The following GALNTL6 variants were observed in gnomAD, a reference collection of about 807,000 sequenced individuals.
GALNTL6 encodes polypeptide N-acetylgalactosaminyltransferase like 6.
A neutral mutation model predicts 73.7 loss-of-function variants in GALNTL6; 46 were observed. The ratio of observed to expected loss-of-function variants is 0.62; its 90% CI spans 0.49 to 0.80. The LOEUF is 0.80. GALNTL6 is among the 30% of genes least tolerant of loss of function. GALNTL6 has a pLI of 0.00. For missense variants in GALNTL6, 604 were observed against 755.0 expected (o/e 0.80, Z 2.34); for synonymous variants, 259 against 263.7 (o/e 0.98, Z 0.17).
chr4:172,622,413 TG>T (rs1738998053), intron 5 of GALNTL6, among the ~76,000 whole-genome samples: 1 of 152,078 alleles, frequency 6.6e-6, no homozygotes, highest in African/African-American at 2.4e-5. Context: ...AGAAAAACAA[TG>T]GATCACATTA....
At chr4:172,341,955 G>A (rs1741582450) in intron 4 of GALNTL6, among the ~76,000 whole-genome samples, 1 of 152,012 alleles carries the variant, frequency 6.6e-6, no homozygotes, top group African/African-American at 2.4e-5. Flanking sequence ...CATAATATTT[G>A]ATAGAAATAG....
chr4:173,035,228 G>T (rs1753641816), intron 12 of GALNTL6, among the ~76,000 whole-genome samples: 1 of 149,990 alleles, frequency 6.7e-6, no homozygotes, highest in Admixed American at 6.7e-5. Flanking sequence ...GCCTGGGCTG[G>T]AGTGCAATGG....
intron 5 of GALNTL6, among the ~76,000 whole-genome samples, chr4:172,355,920 T>C (rs1742138883): frequency 6.6e-6 from 1 of 152,180 alleles, no homozygotes; most frequent in South Asian, 2.1e-4. Flanking sequence ...CCAAGCATCT[T>C]AAAATCTACC....
At chr4:172,446,853 A>C (rs893728373) in intron 5 of GALNTL6, among the ~76,000 whole-genome samples, 1 of 152,138 alleles carries the variant, frequency 6.6e-6, no homozygotes, top group Non-Finnish European at 1.5e-5. Flanking sequence ...TTGTTTTGCA[A>C]CTGTGGATGA....
chr4:171,884,845 C>T (rs1411447192), intron 2 of GALNTL6, among the ~76,000 whole-genome samples: 1 of 151,956 alleles, frequency 6.6e-6, no homozygotes, highest in Admixed American at 6.6e-5. Context: ...CATCTGAGGT[C>T]AGGAGTTCAA....
At chr4:172,925,698 A>C (rs1326368233) in intron 8 of GALNTL6, among the ~76,000 whole-genome samples, 2 of 152,184 alleles carry the variant, frequency 1.3e-5, no homozygotes, top group Non-Finnish European at 1.5e-5. Context: ...TAACCTAAGT[A>C]AACTTGAAAG....
chr4:171,972,849 A>G (rs1739610859), intron 2 of GALNTL6, among the ~76,000 whole-genome samples: 1 of 152,170 alleles, frequency 6.6e-6, no homozygotes, highest in Non-Finnish European at 1.5e-5. Flanking sequence ...CTGTTTTGGC[A>G]AAGTAATGTT....
chr4:172,386,554 A>G (rs997350106), intron 5 of GALNTL6, among the ~76,000 whole-genome samples: 1 of 152,274 alleles, frequency 6.6e-6, no homozygotes, highest in African/African-American at 2.4e-5. Context: ...CTCTCACTCA[A>G]TTATGTAGAT....
chr4:172,929,007 G>A (rs1748196690), intron 8 of GALNTL6, among the ~76,000 whole-genome samples: 1 of 152,134 alleles, frequency 6.6e-6, no homozygotes, highest in Non-Finnish European at 1.5e-5. Context: ...TCCTGGGACA[G>A]GTGTTTATTG....
intron 2 of GALNTL6, among the ~76,000 whole-genome samples, chr4:171,867,538 G>A (rs1057200720): frequency 1.3e-5 from 2 of 152,032 alleles, no homozygotes; most frequent in Non-Finnish European, 2.9e-5. Flanking sequence ...TTCCATCCCC[G>A]ACACCTCAAT....
intron 9 of GALNTL6, among the ~76,000 whole-genome samples, chr4:172,944,310 G>T (rs1381288098): frequency 6.6e-6 from 1 of 152,090 alleles, no homozygotes; most frequent in Non-Finnish European, 1.5e-5. Flanking sequence ...ATGGGTAAAT[G>T]ATTTGAAAGA....
At chr4:172,727,752 A>G (rs953662937) in intron 5 of GALNTL6, among the ~76,000 whole-genome samples, 8 of 152,094 alleles carry the variant, frequency 5.3e-5, no homozygotes, top group Admixed American at 3.3e-4. Context: ...AATAATTTAA[A>G]TGTCAAACAA....
At chr4:171,918,179 C>T (rs6851131) in intron 2 of GALNTL6, among the ~76,000 whole-genome samples, 4,218 of 151,842 alleles carry the variant, frequency 0.028, 174 homozygotes, top group African/African-American at 0.092. Context: ...AACTTACGGG[C>T]GTTAAGTTGG....
At chr4:171,863,505 C>T (rs1206154227) in intron 2 of GALNTL6, among the ~76,000 whole-genome samples, 1 of 151,914 alleles carries the variant, frequency 6.6e-6, no homozygotes, top group Non-Finnish European at 1.5e-5. Context: ...TAGTTTTTTG[C>T]CTTCAGACTT....
chr4:172,456,093 C>T (rs1018270254), intron 5 of GALNTL6, among the ~76,000 whole-genome samples: 2 of 152,156 alleles, frequency 1.3e-5, no homozygotes, highest in African/African-American at 4.8e-5. Flanking sequence ...CTCCAGCAGA[C>T]TTGCAGCAGA....
intron 2 of GALNTL6, among the ~76,000 whole-genome samples, chr4:172,186,728 A>G (rs1447046625): frequency 6.6e-6 from 1 of 152,126 alleles, no homozygotes; most frequent in African/African-American, 2.4e-5. Context: ...AACAATAGGT[A>G]GATCCACAGA....
chr4:172,559,763 C>T (rs1397514187), intron 5 of GALNTL6, among the ~76,000 whole-genome samples: 1 of 152,014 alleles, frequency 6.6e-6, no homozygotes, highest in Non-Finnish European at 1.5e-5. Context: ...GTAATTATTC[C>T]AAGTGACTGA....
At chr4:172,256,199 CT>C (rs1467486379) in intron 3 of GALNTL6, among the ~76,000 whole-genome samples, 5 of 151,306 alleles carry the variant, frequency 3.3e-5, no homozygotes, top group African/African-American at 9.7e-5. Flanking sequence ...ATTTTTTCTT[CT>C]TCTGTTTCGC....
In GALNTL6 at chr4:172,313,266, C is replaced by T. The variant is rs1220821482; in HGVS notation, c.386+1514C>T. The stretch of plus-strand genomic sequence containing the variant: ...TCAGCCTCCCGAGTAGCTGGGACTA[C>T]AGGCGCCTGCCACCATGCCGGCTAA... On this transcript the variant is annotated intron_variant, in intron 4 of 12. Coordinates refer to ENST00000506823, the MANE Select transcript of GALNTL6 (RefSeq NM_001034845.3). 2.6e-5 allele frequency among the ~76,000 whole-genome samples: 4 copies of T among 151,862 alleles called. No homozygotes were observed. The East Asian group carries it at 7.7e-4, about 29-fold the overall frequency.
Sources: allele counts gnomAD v4.1 joint callset (sites outside exome capture counted in the v4.1 genomes callset), GRCh38; gene constraint gnomAD v4.1.1; transcripts MANE v1.5; gene names NCBI Gene and HGNC (gene_info 2026-07-23, HGNC 2026-07-21).